Variants in C9orf78 observed in about 807,000 individuals in gnomAD.
C9orf78 encodes the protein splicing factor C9orf78.
A neutral mutation model predicts 37.4 loss-of-function variants in C9orf78; 19 were observed. The observed-to-expected ratio is 0.51, with a 90% CI of 0.35 to 0.74. C9orf78 has a LOEUF of 0.74. Ranked by LOEUF, C9orf78 falls within the 30% of genes least tolerant of loss-of-function variation. The pLI is 0.01. For synonymous variants in C9orf78, 130 were observed against 128.0 expected (o/e 1.02, Z -0.10); for missense variants, 291 against 370.8 (o/e 0.78, Z 1.77).
Position 129,833,465 on chromosome 9 carries a change from T to A in C9orf78, c.248A>T (p.Lys83Met). 6.2e-7 allele frequency: 1 copy of A among 1,600,462 alleles called. No homozygotes were observed. The highest frequency in any genetic ancestry group is 8.6e-7 in the Non-Finnish European group (1 of 1,167,560). The part of the protein sequence containing the change: ...TGGMVDMKKL[K>M]ERGKDKISEE... ...AACTTACTTATCTTTGCCCCTTTCC[T>A]TCAGTTTCTTCATATCCACCATACC... The change falls in exon 4 of 9, where the codon AAG (lysine) becomes ATG (methionine). Residue 83 changes from lysine to methionine, a missense_variant. Coordinates refer to ENST00000372447, the MANE Select transcript of C9orf78 (RefSeq NM_016520.3).
At chr9:129,828,384 G>GT in intron 8 of C9orf78, 132 bp from the exon 9 acceptor site, 1 of 633,364 alleles carries the variant, frequency 1.6e-6, no homozygotes, top group South Asian at 1.6e-5. Context: ...AGTGAACACA[G>GT]TAGGGCCTCA....
intron 8 of C9orf78, 169 bp from the exon 9 acceptor site, chr9:129,828,421 TTC>T (rs1491162660): frequency 2.6e-5 from 12 of 454,464 alleles, no homozygotes; most frequent in East Asian, 4.2e-5. Context: ...CTTTTTTTTT[TTC>T]TTTTCTTTTC....
Position 129,828,083 on chromosome 9 carries a change from A to T in C9orf78, c.*78T>A. The stretch of plus-strand genomic sequence containing the variant: ...GCTGGGATTACAGGCAGGAGCCACC[A>T]CGCCCGGCCAGGAAGCCATTTTTCA... On this transcript the variant is annotated 3_prime_UTR_variant, in exon 9 of 9. Coordinates refer to ENST00000372447, the MANE Select transcript of C9orf78 (RefSeq NM_016520.3). The T allele has an allele frequency of 1.2e-6, 1 of 814,864 alleles. No homozygotes were observed. The highest frequency in any genetic ancestry group is 2.1e-6 in the Non-Finnish European group (1 of 478,842). The allele number at this position is 814,864 out of a possible 1,614,324, so 50.5% of individuals were successfully genotyped here.
chr9:129,833,812 A>C, intron 2 of C9orf78, 103 bp from the exon 3 acceptor site: 4 of 547,908 alleles, frequency 7.3e-6, no homozygotes, highest in Non-Finnish European at 1.4e-5. Context: ...CATTAGTGCA[A>C]GGGTGGGATT....
chr9:129,827,610 A>G lies in C9orf78; in HGVS notation c.*551T>C, dbSNP rs1286728483. Reference sequence around the variant, plus strand: ...TTACAAACAAGATTTAATAATGCTCACAAGAATAGAGTTTGCCCCCAAATG... The same window carrying G: ...TTACAAACAAGATTTAATAATGCTCGCAAGAATAGAGTTTGCCCCCAAATG... On this transcript the variant is annotated 3_prime_UTR_variant, in exon 9 of 9. Transcript: ENST00000372447. The G allele has an allele frequency of 6.6e-6, 1 of 152,336 alleles. No individual in the cohort carries two copies. Among genetic ancestry groups the G allele is most frequent in the Non-Finnish European group, 1.5e-5 (1 of 68,158 alleles). 9.4% of individuals were successfully genotyped at this position (152,336 alleles called of 1,614,324 possible). A position where few individuals can be genotyped will look rare whatever the true frequency, so the allele number is the denominator to read the frequency against.
rs575301088 is a variant in C9orf78 at position 129,834,907 on chromosome 9, T to C, written c.84-141A>G. On this transcript the variant is annotated intron_variant, in intron 1 of 8. Coordinates refer to ENST00000372447, the MANE Select transcript of C9orf78 (RefSeq NM_016520.3). ...CAGCACAGTGGTCCAGAGGACGACC[T>C]TGTGCCTAGACCCACCGGGAGTCAG... The C allele has an allele frequency of 1.1e-4, 79 of 737,320 alleles. 1 individual carries two copies. The highest frequency in any genetic ancestry group is 1.0e-3 in the African/African-American group (60 of 57,412). 45.7% of individuals were successfully genotyped at this position (737,320 alleles called of 1,614,324 possible).
rs2031438004 is a variant in C9orf78, at chr9:129,829,551, G to C, written c.543-10C>G. On this transcript the variant is annotated splice_polypyrimidine_tract_variant and intron_variant, in intron 6 of 8. Coordinates refer to ENST00000372447, the MANE Select transcript of C9orf78 (RefSeq NM_016520.3). ...ATTTTTTATTTTAGCACTATGGAGA[G>C]AAAGAAACCACACCACTTAGAAGAT... 3.1e-6 allele frequency: 5 copies of C among 1,611,020 alleles called. No homozygotes were observed. Among genetic ancestry groups the C allele is most frequent in the Admixed American group, 1.7e-5 (1 of 59,856 alleles).
At chr9:129,832,583 T>TGGATTA (rs1253449246) in intron 4 of C9orf78, among the ~76,000 whole-genome samples, 2 of 151,776 alleles carry the variant, frequency 1.3e-5, no homozygotes, top group African/African-American at 4.8e-5. Context: ...GGATTACGGG[T>TGGATTA]GCCCACCACA....
chr9:129,834,521 G>A (rs2031628325), intron 2 of C9orf78, 186 bp downstream of exon 2: 1 of 548,100 alleles, frequency 1.8e-6, no homozygotes, highest in South Asian at 2.5e-5. Flanking sequence ...ACCCCGAGAC[G>A]ACACAGCTCA....
In C9orf78 at chr9:129,829,300, T is replaced by C. The variant is rs1161028595; in HGVS notation, c.683A>G (p.Tyr228Cys). 1.2e-6 allele frequency: 2 copies of C among 1,605,236 alleles called. No individual in the cohort carries two copies. Among genetic ancestry groups the C allele is most frequent in the Admixed American group, 3.4e-5 (2 of 58,602 alleles). ...AVNYVQHNRF[Y>C]HEELNAPIRR... is the part of the protein sequence containing the mutation. ...TATGGGCGCGTTGAGCTCCTCATGA[T>C]AAACTGGACCCAAAGAGACCAGGGG... The change falls in exon 8 of 9, where the codon TAT becomes TGT. Residue 228 changes from tyrosine to cysteine, a missense_variant. Tyr to Cys is a radical substitution (Grantham distance 194). Around this residue, in one of 3 missense-constraint regions of C9orf78, gnomAD observed 120 missense variants for 148.7 expected, o/e 0.81. Coordinates refer to ENST00000372447, the MANE Select transcript of C9orf78 (RefSeq NM_016520.3).
chr9:129,835,216 C>T lies in C9orf78; in HGVS notation c.6G>A (p.Pro2=), dbSNP rs748345169. M[P]VVRKIFRRRR... ...GGCGACGGAAAATCTTCCGGACGAC[C>T]GGCATGGTGACAACGGCCGAGTTGT... The change falls in exon 1 of 9, where the codon CCG becomes CCA. Residue 2 remains proline (P), a synonymous_variant. Transcript: ENST00000372447. The T allele has an allele frequency of 3.7e-6, 6 of 1,608,548 alleles. No individual in the cohort carries two copies. Among genetic ancestry groups the T allele is most frequent in the Admixed American group, 1.7e-5 (1 of 59,696 alleles).
At chr9:129,834,928 G>A (rs1048642486) in intron 1 of C9orf78, 162 bp from the exon 2 acceptor site, 12 of 680,634 alleles carry the variant, frequency 1.8e-5, no homozygotes, top group African/African-American at 1.4e-4. Context: ...CCCACCGGGA[G>A]TCAGAGCCAC....
At chr9:129,832,580 G>T (rs1186846426) in intron 4 of C9orf78, among the ~76,000 whole-genome samples, 2 of 151,492 alleles carry the variant, frequency 1.3e-5, no homozygotes, top group African/African-American at 4.9e-5. Flanking sequence ...CTGGGATTAC[G>T]GGTGCCCACC....
In C9orf78 at chr9:129,830,870, C is replaced by T. The variant is rs777035685; in HGVS notation, c.542+1G>A. 1 of 1,607,402 alleles carries T rather than the reference C, an allele frequency of 6.2e-7. No homozygotes were observed. Among genetic ancestry groups the T allele is most frequent in the South Asian group, 1.1e-5 (1 of 90,958 alleles). ...CTTCTGCCTAGGGGTCTCAAACATACTCGATGCCCAGGTCCACCTCAGGAA... is the reference window on the plus strand; with the variant it reads ...CTTCTGCCTAGGGGTCTCAAACATATTCGATGCCCAGGTCCACCTCAGGAA... On this transcript the variant is annotated splice_donor_variant, in intron 6 of 8. Coordinates refer to ENST00000372447, the MANE Select transcript of C9orf78 (RefSeq NM_016520.3). LOFTEE classifies it high-confidence loss of function.
At chr9:129,834,507 G>A in intron 2 of C9orf78, 200 bp downstream of exon 2, 1 of 530,950 alleles carries the variant, frequency 1.9e-6, no homozygotes, top group South Asian at 2.7e-5. Context: ...TATCTCTGGA[G>A]CACACCCCGA....
rs1213081362 is a variant in C9orf78, at chr9:129,832,264, G to C, written c.267-291C>G. Among the ~76,000 whole-genome samples, 4 of 152,258 alleles carry C rather than the reference G, an allele frequency of 2.6e-5. No homozygotes were observed. In the South Asian group the frequency reaches 8.3e-4, roughly 32 times the overall value. On this transcript the variant is annotated intron_variant, in intron 4 of 8. Transcript: ENST00000372447. ...AAGGATACCAAAATCTGCAGATAGT[G>C]AAGTCCCTTACATAAAATAGTATAA...
intron 1 of C9orf78, 101 bp from the exon 2 acceptor site, chr9:129,834,867 C>A: frequency 1.1e-6 from 1 of 936,698 alleles, no homozygotes; most frequent in Non-Finnish European, 1.7e-6. Flanking sequence ...CATCCCAGCC[C>A]AGCTACTGAG....
chr9:129,830,528 T>C (rs2031466691), intron 6 of C9orf78: 1 of 271,516 alleles, frequency 3.7e-6, no homozygotes, highest in Admixed American at 4.9e-5. Context: ...TTTTCCTTTT[T>C]TTTTGAGATG....
chr9:129,833,315 C>A, intron 4 of C9orf78, 132 bp downstream of exon 4: 2 of 656,384 alleles, frequency 3.0e-6, no homozygotes, highest in African/African-American at 1.8e-5. Flanking sequence ...AATAACACAC[C>A]CTTTGCAAAG....
Sources: gnomAD v4.1 joint callset for allele counts (sites outside exome capture counted in the v4.1 genomes callset) on GRCh38, gnomAD v4.1.1 for gene constraint, gnomAD v4.1.1 regional missense constraint, MANE v1.5 for transcripts, NCBI Gene and HGNC (gene_info 2026-07-23, HGNC 2026-07-21) for gene names.